The following NFIB variants were observed in gnomAD, a reference collection of about 807,000 sequenced individuals.
NFIB encodes nuclear factor I B, also known as nuclear factor 1 B-type.
A neutral mutation model predicts 61.5 loss-of-function variants in NFIB; 11 were observed. The observed-to-expected ratio is 0.18, with a 90% CI of 0.11 to 0.30. The LOEUF is 0.30. NFIB is among the 10% of genes least tolerant of loss of function. The pLI is 1.00. For missense variants in NFIB, 471 were observed against 608.9 expected (o/e 0.77, Z 2.38); for synonymous variants, 260 against 216.5 (o/e 1.20, Z -1.76).
chr9:14,410,941 A>G, the NFIB span, among the ~76,000 whole-genome samples: 2 of 152,218 alleles, frequency 1.3e-5, no homozygotes, highest in African/African-American at 2.4e-5. Flanking sequence ...CTATTGTCAG[A>G]GTTCTGTTAC....
At chr9:14,385,912 A>G (rs1216412932) in intron 1 of NFIB, among the ~76,000 whole-genome samples, 1 of 151,280 alleles carries the variant, frequency 6.6e-6, no homozygotes, top group Non-Finnish European at 1.5e-5. Context: ...CCTTTTGAGT[A>G]GTTAGGATTA....
At chr9:14,432,273 T>C in the NFIB span, among the ~76,000 whole-genome samples, 1 of 152,234 alleles carries the variant, frequency 6.6e-6, no homozygotes, top group African/African-American at 2.4e-5. Flanking sequence ...TCTTGCCATG[T>C]AGAAGTCAGT....
At chr9:14,195,282 C>T (rs1366443243) in intron 2 of NFIB, among the ~76,000 whole-genome samples, 12 of 152,206 alleles carry the variant, frequency 7.9e-5, no homozygotes. Flanking sequence ...AAAGCTCTGT[C>T]ACTACCTAAT....
At position 14,327,623 on chromosome 9, in the gene NFIB, G is replaced by C. The variant is rs1352071277; in HGVS notation, c.109-20103C>G. Among the ~76,000 whole-genome samples, 6 of 152,192 alleles carry C rather than the reference G, an allele frequency of 3.9e-5. No individual in the cohort carries two copies. The East Asian group carries it at 9.6e-4, about 24-fold the overall frequency. ...TTTTCCTCCAAATTTGTTTAGAAAA[G>C]AGTAGCCTTCCCATGGGGTGTTTTG... On this transcript the variant is annotated intron_variant, in intron 1 of 8. Coordinates refer to the NFIB transcript ENST00000380934.
chr9:14,152,990 A>C (rs2043025136), intron 4 of NFIB, among the ~76,000 whole-genome samples: 1 of 152,092 alleles, frequency 6.6e-6, no homozygotes, highest in African/African-American at 2.4e-5. Flanking sequence ...GTTAACAACA[A>C]TATATTACAT....
At chr9:14,504,751 T>C in the NFIB span, among the ~76,000 whole-genome samples, 2 of 152,200 alleles carry the variant, frequency 1.3e-5, no homozygotes, top group Non-Finnish European at 2.9e-5. Flanking sequence ...TAGGGTTTTC[T>C]AGGTATATGA....
At chr9:14,109,411 G>T (rs1587259272) in intron 10 of NFIB, among the ~76,000 whole-genome samples, 1 of 151,912 alleles carries the variant, frequency 6.6e-6, no homozygotes, top group Non-Finnish European at 1.5e-5. Context: ...GTCGGGGCGG[G>T]GGGGTGTTCC....
chr9:14,231,120 G>GGA (rs1491094106), intron 2 of NFIB, among the ~76,000 whole-genome samples: 4 of 65,800 alleles, frequency 6.1e-5, no homozygotes, highest in African/African-American at 2.3e-4. Flanking sequence ...TTTCCATGGG[G>GGA]AAAAAAAAAA....
At position 14,179,722 on chromosome 9, in the gene NFIB, T is replaced by C. The variant is rs1185966459; in HGVS notation, c.616+5A>G. 1.9e-6 allele frequency: 3 copies of C among 1,613,592 alleles called. No individual in the cohort carries two copies. The highest frequency in any genetic ancestry group is 1.1e-5 in the South Asian group (1 of 91,032). On this transcript the variant is annotated splice_donor_5th_base_variant and intron_variant, in intron 3 of 10. Transcript: ENST00000380953. Reference sequence around the variant, plus strand: ...GATTGCAAATGTCCTGGAACACATATTTACCTGGAGGATTCTTGGCAGGAT... The same window carrying C: ...GATTGCAAATGTCCTGGAACACATACTTACCTGGAGGATTCTTGGCAGGAT...
chr9:14,082,799 TC>T lies in NFIB; in HGVS notation c.*5509del, dbSNP rs2032212397. The T allele has an allele frequency of 5.0e-6, 1 of 201,300 alleles. No individual in the cohort carries two copies. The highest frequency in any genetic ancestry group is 7.7e-5 in the East Asian group (1 of 13,058). The allele number at this position is 201,300 out of a possible 1,614,324, so 12.5% of individuals were successfully genotyped here. ...AAAAAAAAAAAGAAAAAAAAAGACT[TC>T]CTTCTGCATAAAGAGATATATTTGC... On this transcript the variant is annotated 3_prime_UTR_variant, in exon 11 of 11. Coordinates refer to ENST00000380953, the MANE Select transcript of NFIB (RefSeq NM_001190737.2).
At chr9:14,160,784 A>G (rs2044076124) in intron 3 of NFIB, among the ~76,000 whole-genome samples, 1 of 150,840 alleles carries the variant, frequency 6.6e-6, no homozygotes, top group South Asian at 2.1e-4. Context: ...CAGTGGCTAT[A>G]AAGACTCCCA....
the NFIB span, among the ~76,000 whole-genome samples, chr9:14,406,208 G>C: frequency 6.6e-6 from 1 of 152,186 alleles, no homozygotes; most frequent in Non-Finnish European, 1.5e-5. Flanking sequence ...ACCTATTCCA[G>C]AAACTTTCCT....
At chr9:14,329,234 C>G (rs2060791997) in intron 1 of NFIB, among the ~76,000 whole-genome samples, 1 of 152,174 alleles carries the variant, frequency 6.6e-6, no homozygotes, top group South Asian at 2.1e-4. Flanking sequence ...AGTTGCAGTG[C>G]CAGCATCCTA....
intron 2 of NFIB, among the ~76,000 whole-genome samples, chr9:14,238,956 A>C (rs2054079238): frequency 6.6e-6 from 1 of 152,174 alleles, no homozygotes; most frequent in South Asian, 2.1e-4. Flanking sequence ...GGTGTCTCCT[A>C]AACAGCATAA....
intron 6 of NFIB, among the ~76,000 whole-genome samples, chr9:14,139,685 T>C (rs1261908149): frequency 1.3e-5 from 2 of 152,168 alleles, no homozygotes; most frequent in Non-Finnish European, 2.9e-5. Flanking sequence ...GTATACAAGT[T>C]TACCCCATCC....
At chr9:14,187,847 A>C (rs2047548170) in intron 2 of NFIB, among the ~76,000 whole-genome samples, 1 of 152,188 alleles carries the variant, frequency 6.6e-6, no homozygotes, top group South Asian at 2.1e-4. Flanking sequence ...GGGACTACTA[A>C]TGAATCCCCT....
At position 14,121,919 on chromosome 9, in the gene NFIB, C is replaced by T. The variant is rs979415255; in HGVS notation, c.1061-1295G>A. 1.4e-4 allele frequency among the ~76,000 whole-genome samples: 21 copies of T among 151,650 alleles called. No individual in the cohort carries two copies. The East Asian group carries it at 2.5e-3, about 18-fold the overall frequency. On this transcript the variant is annotated intron_variant, in intron 7 of 10. Transcript: ENST00000380953. ...TTGAAAGATGGAGAAAGAGTGTAAT[C>T]GTATGATCATTATCTCTAAAATGTT...
chr9:14,130,172 A>T (rs2040237971), intron 6 of NFIB, among the ~76,000 whole-genome samples: 1 of 152,162 alleles, frequency 6.6e-6, no homozygotes, highest in Admixed American at 6.5e-5. Context: ...GCACTTTATA[A>T]AAACCAGCAG....
At chr9:14,238,733 T>C (rs1164603722) in intron 2 of NFIB, among the ~76,000 whole-genome samples, 9 of 152,156 alleles carry the variant, frequency 5.9e-5, no homozygotes, top group Non-Finnish European at 8.8e-5. Flanking sequence ...GCTTTGGAAC[T>C]TGGTATCTTT....
Sources: gnomAD v4.1 joint callset for allele counts (sites outside exome capture counted in the v4.1 genomes callset) on GRCh38, gnomAD v4.1.1 for gene constraint, MANE v1.5 for transcripts, NCBI Gene and HGNC (gene_info 2026-07-23, HGNC 2026-07-21) for gene names.